The following ZNF221 variants were observed in gnomAD, a reference collection of about 807,000 sequenced individuals.
ZNF221 encodes the protein zinc finger protein 221.
In ZNF221, 10 loss-of-function variants were observed where a neutral mutation model predicts 12.6. That is an observed-to-expected ratio of 0.79 (90% CI 0.49 to 1.34). ZNF221 has a LOEUF of 1.34. Ranked by LOEUF, ZNF221 falls within the 40% of genes most tolerant of loss-of-function variation. The pLI, the probability that ZNF221 is intolerant of heterozygous loss-of-function variation, is 0.00. For missense variants in ZNF221, 661 were observed against 721.4 expected (o/e 0.92, Z 0.96); for synonymous variants, 232 against 244.0 (o/e 0.95, Z 0.46).
rs1207908257 is a variant in ZNF221, at chr19:43,966,165, G to A, written c.663G>A (p.Met221Ile). ...PALHIHQRVH[M>I]GEKCYKCDVC... ...TTCATATTCATCAGAGAGTCCATATGGGAGAAAAATGCTATAAGTGTGATG... is the reference window on the plus strand; with the variant it reads ...TTCATATTCATCAGAGAGTCCATATAGGAGAAAAATGCTATAAGTGTGATG... Residue 221 changes from methionine (M) to isoleucine (I), a missense_variant, in exon 5 of 5, where the codon ATG becomes ATA. Met to Ile is a conservative substitution (Grantham distance 10). Coordinates refer to ENST00000587682, the MANE Select transcript of ZNF221 (RefSeq NM_001297588.2). 6.2e-7 allele frequency: 1 copy of A among 1,614,042 alleles called. No individual in the cohort carries two copies. The highest frequency in any genetic ancestry group is 2.2e-5 in the East Asian group (1 of 44,892).
At chr19:43,959,818 C>T (rs1241723639) in intron 1 of ZNF221, among the ~76,000 whole-genome samples, 1 of 152,058 alleles carries the variant, frequency 6.6e-6, no homozygotes, top group East Asian at 1.9e-4. Context: ...TACAGTGACA[C>T]AGAAATGAAC....
the ZNF221 span, chr19:43,977,180 G>T: frequency 5.3e-5 from 8 of 152,266 alleles, no homozygotes; most frequent in East Asian, 1.2e-3. Flanking sequence ...TACATCATTT[G>T]TGGATGAATA....
rs573289150 is a variant in ZNF221, at chr19:43,966,473, G to A, written c.971G>A (p.Arg324Lys). 6 of 1,614,172 alleles carry A rather than the reference G, an allele frequency of 3.7e-6. No homozygotes were observed. Among genetic ancestry groups the A allele is most frequent in the South Asian group, 2.2e-5 (2 of 91,088 alleles). Residue 324 changes from arginine to lysine, a missense_variant, in exon 5 of 5, where the codon AGA becomes AAA. Transcript: ENST00000587682. ...GGTAAGAGCTTCCGTGTTAGATCAA[G>A]ACTTAATAGGCATTCCATGGTTCAC... ...ICGKSFRVRS[R>K]LNRHSMVHTG...
In ZNF221 at chr19:43,967,100, T is replaced by C. The variant is rs61734609; in HGVS notation, c.1598T>C (p.Leu533Pro). 0.11 allele frequency: 177,533 copies of C among 1,613,566 alleles called. 10,581 individuals are homozygous for C. The highest frequency in any genetic ancestry group is 0.16 in the East Asian group (7,254 of 44,848). Residue 533 changes from leucine (L) to proline (P), a missense_variant, in exon 5 of 5, where the codon CTA becomes CCA. Coordinates refer to ENST00000587682, the MANE Select transcript of ZNF221 (RefSeq NM_001297588.2). The stretch of plus-strand genomic sequence containing the variant: ...CAGACATGCCATACTGGAGAAAAGC[T>C]ATACAAATGTGAGCAGTGTGAGAAG... ...SHQTCHTGEKLYKCEQCEKGY... is the reference protein window; with the variant it reads ...SHQTCHTGEKPYKCEQCEKGY...
At chr19:43,956,388 A>C (rs1974753866) in intron 1 of ZNF221, among the ~76,000 whole-genome samples, 1 of 152,234 alleles carries the variant, frequency 6.6e-6, no homozygotes, top group Admixed American at 6.5e-5. Context: ...ACAACTTCTT[A>C]ATATAAAGTC....
intron 1 of ZNF221, among the ~76,000 whole-genome samples, chr19:43,960,676 C>T (rs941466139): frequency 6.6e-6 from 1 of 152,218 alleles, no homozygotes; most frequent in Non-Finnish European, 1.5e-5. Flanking sequence ...GCCACTCTGG[C>T]TCCAGCCTCA....
chr19:43,963,125 G>A (rs1568476865), intron 2 of ZNF221, among the ~76,000 whole-genome samples: 1 of 151,988 alleles, frequency 6.6e-6, no homozygotes, highest in Non-Finnish European at 1.5e-5. Flanking sequence ...TTTTATTGAT[G>A]ACATACCTCT....
downstream of ZNF221, among the ~76,000 whole-genome samples, chr19:43,971,229 G>T (rs145815648): frequency 6.6e-6 from 1 of 152,192 alleles, no homozygotes; most frequent in African/African-American, 2.4e-5. Flanking sequence ...TCACCACCAG[G>T]CCTTCCTTGC....
intron 1 of ZNF221, among the ~76,000 whole-genome samples, chr19:43,957,362 G>A (rs1165238590): frequency 6.6e-6 from 1 of 151,850 alleles, no homozygotes; most frequent in Non-Finnish European, 1.5e-5. Flanking sequence ...TAGTAGAGAC[G>A]GGGTTTTACC....
At chr19:43,951,754 A>G (rs1974673759) in intron 1 of ZNF221, among the ~76,000 whole-genome samples, 1 of 151,026 alleles carries the variant, frequency 6.6e-6, no homozygotes, top group East Asian at 1.9e-4. Flanking sequence ...ATTTCCTGAG[A>G]AATGGTCAGG....
At chr19:43,974,706 C>A in the ZNF221 span, among the ~76,000 whole-genome samples, 4 of 129,240 alleles carry the variant, frequency 3.1e-5, no homozygotes, top group African/African-American at 1.1e-4. Context: ...ACATCAGTCA[C>A]AATGGCAATT....
Position 43,966,266 on chromosome 19 carries a change from A to G in ZNF221, c.764A>G (p.Lys255Arg). The change falls in exon 5 of 5, where the codon AAA (lysine) becomes AGA (arginine). Residue 255 changes from lysine (K) to arginine (R), a missense_variant. By Grantham distance (26) the Lys-to-Arg change is conservative. Coordinates refer to ENST00000587682, the MANE Select transcript of ZNF221 (RefSeq NM_001297588.2). Reference protein sequence around the residue: ...QRVHTGEKPFKCGQCGKGFHS... With the variant: ...QRVHTGEKPFRCGQCGKGFHS... ...GTCCATACTGGAGAGAAACCATTCAAATGTGGGCAATGTGGGAAAGGCTTC... is the reference window on the plus strand; with the variant it reads ...GTCCATACTGGAGAGAAACCATTCAGATGTGGGCAATGTGGGAAAGGCTTC... 5.6e-6 allele frequency: 9 copies of G among 1,614,096 alleles called. No homozygotes were observed. The highest frequency in any genetic ancestry group is 5.9e-6 in the Non-Finnish European group (7 of 1,179,934).
chr19:43,975,737 A>G, the ZNF221 span, among the ~76,000 whole-genome samples: 1 of 152,166 alleles, frequency 6.6e-6, no homozygotes, highest in South Asian at 2.1e-4. Context: ...AAAAAGGAGA[A>G]ATCTTGCAAG....
At chr19:43,980,059 C>T in the ZNF221 span, among the ~76,000 whole-genome samples, 1 of 152,182 alleles carries the variant, frequency 6.6e-6, no homozygotes, top group Non-Finnish European at 1.5e-5. Context: ...GTGGTATTTA[C>T]TAGTTGCTCT....
At chr19:43,969,781 A>G (rs1975057858), downstream of ZNF221, among the ~76,000 whole-genome samples, 1 of 152,156 alleles carries the variant, frequency 6.6e-6, no homozygotes, top group East Asian at 1.9e-4. Flanking sequence ...TGGAGCTCCC[A>G]GGGGAGTGGC....
chr19:43,963,631 A>G (rs1299503781), intron 2 of ZNF221, among the ~76,000 whole-genome samples: 1 of 152,216 alleles, frequency 6.6e-6, no homozygotes, highest in African/African-American at 2.4e-5. Flanking sequence ...TTGGCCAATC[A>G]CTTGTGTTGT....
intron 1 of ZNF221, among the ~76,000 whole-genome samples, chr19:43,952,772 TG>T: frequency 2.0e-5 from 3 of 152,338 alleles, no homozygotes; most frequent in African/African-American, 7.2e-5. Flanking sequence ...CTCATGGGCT[TG>T]GACCTCTCTA....
chr19:43,962,137 C>G (rs545678558), intron 1 of ZNF221, among the ~76,000 whole-genome samples: 4 of 152,258 alleles, frequency 2.6e-5, no homozygotes, highest in African/African-American at 9.6e-5. Context: ...AGTTAAATAA[C>G]ATGTAGATTA....
In ZNF221 at chr19:43,966,966, C is replaced by T. The variant is rs1267450345; in HGVS notation, c.1464C>T (p.Gly488=). The T allele has an allele frequency of 1.2e-6, 2 of 1,614,068 alleles. No individual in the cohort carries two copies. The highest frequency in any genetic ancestry group is 4.5e-5 in the East Asian group (2 of 44,878). The part of the protein sequence containing the change: ...YNCKECGKSF[G]WASCLLKHQR... ...GTAAGGAATGTGGCAAGAGCTTTGG[C>T]TGGGCCTCCTGTCTTTTGAAACATC... The change falls in exon 5 of 5, where the codon GGC becomes GGT. Residue 488 remains glycine, a synonymous_variant. Coordinates refer to ENST00000587682, the MANE Select transcript of ZNF221 (RefSeq NM_001297588.2).
Sources: gnomAD v4.1 joint callset for allele counts (sites outside exome capture counted in the v4.1 genomes callset) on GRCh38, gnomAD v4.1.1 for gene constraint, MANE v1.5 for transcripts, NCBI Gene and HGNC (gene_info 2026-07-23, HGNC 2026-07-21) for gene names.